Variants in CELF2 observed in about 807,000 individuals in gnomAD.
The protein encoded by CELF2 is CUGBP Elav-like family member 2.
A neutral mutation model predicts 62.6 loss-of-function variants in CELF2; 8 were observed. The ratio of observed to expected loss-of-function variants is 0.13; its 90% CI spans 0.07 to 0.23. The LOEUF (loss-of-function observed/expected upper bound fraction) is 0.23, where lower values mean the gene tolerates loss of function less well. Ranked by LOEUF, CELF2 falls within the 10% of genes least tolerant of loss-of-function variation. CELF2 has a pLI of 1.00. For missense variants in CELF2, 333 were observed against 671.0 expected, an observed-to-expected ratio of 0.50 and a Z score of 5.56; for synonymous variants, 258 against 250.0, an observed-to-expected ratio of 1.03 and a Z score of -0.30.
intron 4 of CELF2, among the ~76,000 whole-genome samples, chr10:11,251,877 C>T (rs2077256377): frequency 2.6e-5 from 4 of 152,242 alleles, no homozygotes; most frequent in South Asian, 2.1e-4. Context: ...CTTTTCAGTG[C>T]ACTCTGAGCA....
In CELF2 at chr10:11,332,485, A is replaced by C. The variant is rs2096046314; in HGVS notation, c.*3432A>C. On this transcript the variant is annotated 3_prime_UTR_variant, in exon 13 of 13. Transcript: ENST00000633077. ...AAGTAAAGCTCAGTTCTTTATCACA[A>C]TTTACTGACCAAATACCTAGCACCA... 1 of 152,506 alleles carries C rather than the reference A, an allele frequency of 6.6e-6. No individual in the cohort carries two copies. Among genetic ancestry groups the C allele is most frequent in the South Asian group, 2.1e-4 (1 of 4,828 alleles). 9.4% of individuals were successfully genotyped at this position (152,506 alleles called of 1,614,324 possible). A position where few individuals can be genotyped will look rare whatever the true frequency, so the allele number is the denominator to read the frequency against.
the CELF2 span, among the ~76,000 whole-genome samples, chr10:10,470,376 G>A: frequency 6.6e-6 from 1 of 151,602 alleles, no homozygotes; most frequent in African/African-American, 2.4e-5. Flanking sequence ...TTTGAGTTCT[G>A]TAGATCAGAA....
chr10:10,759,958 T>G, the CELF2 span, among the ~76,000 whole-genome samples: 66 of 152,092 alleles, frequency 4.3e-4, 2 homozygotes, highest in Non-Finnish European at 4.9e-4. Flanking sequence ...CAGGCTGGAG[T>G]GCAGTGATGC....
the CELF2 span, among the ~76,000 whole-genome samples, chr10:10,579,294 C>T: frequency 5.3e-5 from 8 of 152,082 alleles, no homozygotes; most frequent in Admixed American, 3.3e-4. Flanking sequence ...GCAGGATTGA[C>T]GTTCATGGAG....
chr10:10,747,863 C>T, the CELF2 span, among the ~76,000 whole-genome samples: 29 of 152,298 alleles, frequency 1.9e-4, no homozygotes, highest in Admixed American at 1.2e-3. Flanking sequence ...TGTGCCACCA[C>T]GCCTGGCTAA....
chr10:11,086,756 C>T (rs1180130015), intron 1 of CELF2, among the ~76,000 whole-genome samples: 2 of 152,140 alleles, frequency 1.3e-5, no homozygotes, highest in African/African-American at 4.8e-5. Flanking sequence ...TATTCCTAAT[C>T]ACGCACATAA....
upstream of CELF2, among the ~76,000 whole-genome samples, chr10:10,795,196 G>C (rs1279961931): frequency 6.6e-6 from 1 of 151,252 alleles, no homozygotes; most frequent in East Asian, 1.9e-4. Flanking sequence ...CTTGTTGCTG[G>C]TACTATCAGG....
intron 1 of CELF2, among the ~76,000 whole-genome samples, chr10:11,104,020 T>A (rs2052639611): frequency 6.6e-6 from 1 of 152,222 alleles, no homozygotes; most frequent in Non-Finnish European, 1.5e-5. Context: ...TGAAAACTAT[T>A]TATTTAAAGA....
chr10:11,044,205 A>T (rs2062391618), intron 1 of CELF2, among the ~76,000 whole-genome samples: 2 of 152,286 alleles, frequency 1.3e-5, no homozygotes, highest in East Asian at 3.9e-4. Context: ...CCGTTTAACA[A>T]AATGCTCCAT....
At chr10:11,208,366 A>C (rs1401270230) in intron 2 of CELF2, among the ~76,000 whole-genome samples, 1 of 152,206 alleles carries the variant, frequency 6.6e-6, no homozygotes, top group Non-Finnish European at 1.5e-5. Context: ...ACCCAAAGAT[A>C]CAGGGGAAAT....
chr10:10,504,718 T>C, the CELF2 span, among the ~76,000 whole-genome samples: 184 of 152,216 alleles, frequency 1.2e-3, no homozygotes, highest in Non-Finnish European at 2.1e-3. Flanking sequence ...TCTGAGTCCA[T>C]GTTTTTTTTT....
chr10:10,516,002 G>C, the CELF2 span, among the ~76,000 whole-genome samples: 1 of 152,142 alleles, frequency 6.6e-6, no homozygotes, highest in African/African-American at 2.4e-5. Context: ...ACCAGCTCGG[G>C]TGAGACTATG....
chr10:10,647,396 T>C, the CELF2 span, among the ~76,000 whole-genome samples: 1 of 152,192 alleles, frequency 6.6e-6, no homozygotes, highest in Non-Finnish European at 1.5e-5. Flanking sequence ...TGATCTCAAC[T>C]CTCCCAGGTC....
chr10:11,037,326 A>G (rs1233225815), intron 1 of CELF2, among the ~76,000 whole-genome samples: 1 of 152,180 alleles, frequency 6.6e-6, no homozygotes, highest in Non-Finnish European at 1.5e-5. Flanking sequence ...GTTACCTCCT[A>G]ACAGGTCCCT....
chr10:10,732,610 G>A, the CELF2 span, among the ~76,000 whole-genome samples: 1 of 143,292 alleles, frequency 7.0e-6, no homozygotes, highest in African/African-American at 2.6e-5. Flanking sequence ...TGCAACCTCT[G>A]TCTCCCGGGT....
At chr10:11,215,830 T>C (rs889845224) in intron 2 of CELF2, among the ~76,000 whole-genome samples, 1 of 152,218 alleles carries the variant, frequency 6.6e-6, no homozygotes, top group African/African-American at 2.4e-5. Context: ...GATGTTAGTT[T>C]CCTTTTGGAA....
At chr10:10,940,889 G>T (rs1306224837) in intron 2 of CELF2, among the ~76,000 whole-genome samples, 5 of 152,126 alleles carry the variant, frequency 3.3e-5, no homozygotes, top group Admixed American at 1.3e-4. Flanking sequence ...TAGCAATCAT[G>T]ATTTCTACAT....
intron 1 of CELF2, among the ~76,000 whole-genome samples, chr10:10,843,137 AC>A (rs1197292644): frequency 6.6e-6 from 1 of 151,962 alleles, no homozygotes; most frequent in East Asian, 1.9e-4. Flanking sequence ...AGTAATAATG[AC>A]CCAGGTTTTA....
At chr10:10,839,072 G>A (rs915625561) in intron 1 of CELF2, among the ~76,000 whole-genome samples, 6 of 152,174 alleles carry the variant, frequency 3.9e-5, no homozygotes, top group African/African-American at 1.4e-4. Flanking sequence ...CTTGAACCCA[G>A]GAGGGGGAGG....
Sources: gnomAD v4.1 joint callset for allele counts (sites outside exome capture counted in the v4.1 genomes callset) on GRCh38, gnomAD v4.1.1 for gene constraint, MANE v1.5 for transcripts, NCBI Gene and HGNC (gene_info 2026-07-23, HGNC 2026-07-21) for gene names.